The following ZNF516 variants were observed in gnomAD, a reference collection of about 807,000 sequenced individuals.
ZNF516 encodes the protein zinc finger protein 516.
In ZNF516, 19 loss-of-function variants were observed where a neutral mutation model predicts 79.7. That is an observed-to-expected ratio of 0.24 (90% CI 0.17 to 0.35). The LOEUF (loss-of-function observed/expected upper bound fraction) is 0.35. ZNF516 is among the 10% of genes least tolerant of loss of function. ZNF516 has a pLI of 1.00. For synonymous variants in ZNF516, 877 were observed against 739.5 expected (o/e 1.19, Z -3.02); for missense variants, 1,678 against 1,679.5 (o/e 1.00, Z 0.02).
intron 1 of ZNF516, chr18:76,492,246 CTCAGG>C (rs1915274007): frequency 2.0e-6 from 2 of 985,348 alleles, no homozygotes; most frequent in African/African-American, 3.5e-5. Context: ...TGCTGCTCGG[CTCAGG>C]TCGGGTCCGT....
In ZNF516 at chr18:76,378,957, T is replaced by G; in HGVS notation, c.3157A>C (p.Lys1053Gln). 2 of 1,613,742 alleles carry G rather than the reference T, an allele frequency of 1.2e-6. No homozygotes were observed. The highest frequency in any genetic ancestry group is 1.7e-6 in the Non-Finnish European group (2 of 1,179,812). ...KQEPVAEGHE[K>Q]RLDILNIFKT... ...AAGATGTTGAGGATGTCCAGGCGCT[T>G]CTCATGCCCCTCGGCCACCGGCTCC... Residue 1053 changes from lysine (K) to glutamine (Q), a missense_variant, in exon 4 of 7, where the codon AAG becomes CAG. Physicochemically the swap from Lys to Gln is moderately conservative, Grantham distance 53. This residue lies in a region of ZNF516 where 1,294 missense variants were observed against 1,248.3 expected (regional missense o/e 1.04). Coordinates refer to ENST00000443185, the MANE Select transcript of ZNF516 (RefSeq NM_014643.4).
At chr18:76,479,502 C>A (rs1331267631) in intron 1 of ZNF516, among the ~76,000 whole-genome samples, 2 of 152,212 alleles carry the variant, frequency 1.3e-5, no homozygotes, top group Non-Finnish European at 2.9e-5. Flanking sequence ...CCTCTCCTAA[C>A]CCCTGGGGCA....
chr18:76,489,586 CAAAAAAAAAA>C (rs5826461), intron 1 of ZNF516, among the ~76,000 whole-genome samples: 1 of 109,396 alleles, frequency 9.1e-6, no homozygotes, highest in Non-Finnish European at 1.9e-5. Context: ...CAACATCTTA[CAAAAAAAAAA>C]AAAAAAAAAA....
chr18:76,425,929 A>AC (rs36079483), intron 3 of ZNF516, among the ~76,000 whole-genome samples: 1 of 152,084 alleles, frequency 6.6e-6, no homozygotes, highest in East Asian at 1.9e-4. Flanking sequence ...AAGCAGGCAA[A>AC]CCCCCCAGCG....
At chr18:76,458,461 C>T (rs1315624747) in intron 2 of ZNF516, among the ~76,000 whole-genome samples, 2 of 152,356 alleles carry the variant, frequency 1.3e-5, no homozygotes, top group East Asian at 3.9e-4. Flanking sequence ...CCCAAGCAAG[C>T]ATCCTGCACA....
chr18:76,375,469 C>T (rs1181681633), intron 4 of ZNF516, among the ~76,000 whole-genome samples: 3 of 151,614 alleles, frequency 2.0e-5, no homozygotes, highest in Non-Finnish European at 4.4e-5. Context: ...GTCCCGGAGA[C>T]CAGGTAGAGG....
At chr18:76,399,320 A>G (rs144081116) in intron 3 of ZNF516, among the ~76,000 whole-genome samples, 3 of 152,374 alleles carry the variant, frequency 2.0e-5, no homozygotes, top group Non-Finnish European at 4.4e-5. Flanking sequence ...TCTGCATCTT[A>G]CATTTCAGTT....
Position 76,491,215 on chromosome 18 carries a change from C to G in ZNF516, c.-272+3929G>C, listed in dbSNP as rs1278617677. Among the ~76,000 whole-genome samples the G allele has an allele frequency of 5.3e-5, 8 of 150,814 alleles. No homozygotes were observed. In the South Asian group the frequency reaches 1.0e-3, roughly 20 times the overall value. ...CGGTCCACGCCGCCGCGCGGACCCC[C>G]GCCTGCCCCGGCCCGGAGCCCCGCG... On this transcript the variant is annotated intron_variant, in intron 1 of 6. Coordinates refer to ENST00000443185, the MANE Select transcript of ZNF516 (RefSeq NM_014643.4).
At chr18:76,445,577 A>G (rs956929059) in intron 2 of ZNF516, among the ~76,000 whole-genome samples, 2 of 152,238 alleles carry the variant, frequency 1.3e-5, no homozygotes, top group African/African-American at 4.8e-5. Flanking sequence ...ACAAGTGCGA[A>G]CAATCATATA....
intron 3 of ZNF516, among the ~76,000 whole-genome samples, chr18:76,440,176 A>G (rs1007513914): frequency 2.6e-5 from 4 of 151,140 alleles, no homozygotes; most frequent in African/African-American, 9.8e-5. Context: ...CTCAATATGC[A>G]TTTCAGTGTA....
chr18:76,493,130 T>C lies in ZNF516; in HGVS notation c.-272+2014A>G, dbSNP rs1915334461. 2.0e-6 allele frequency: 2 copies of C among 985,212 alleles called. No individual in the cohort carries two copies. Among genetic ancestry groups the C allele is most frequent in the Non-Finnish European group, 1.2e-6 (1 of 829,834 alleles). 61.0% of individuals were successfully genotyped at this position (985,212 alleles called of 1,614,324 possible). A position where few individuals can be genotyped will look rare whatever the true frequency, so the allele number is the denominator to read the frequency against. On this transcript the variant is annotated intron_variant, in intron 1 of 6. Coordinates refer to ENST00000443185, the MANE Select transcript of ZNF516 (RefSeq NM_014643.4). This position sits in a 1 kb window ranked among gnomAD's most constrained non-coding sequence, Gnocchi z 5.2. The stretch of plus-strand genomic sequence containing the variant: ...TTTTCCTCCTCTCCTCCCTACCGTT[T>C]CATTTAATGGTAAAACAACAGCAGA...
chr18:76,362,181 T>C lies in ZNF516; in HGVS notation c.*317A>G, dbSNP rs1198239723. The C allele has an allele frequency of 7.3e-6, 2 of 273,994 alleles. No homozygotes were observed. The highest frequency in any genetic ancestry group is 1.4e-5 in the Non-Finnish European group (2 of 142,904). 17.0% of individuals were successfully genotyped at this position (273,994 alleles called of 1,614,324 possible). A position where few individuals can be genotyped will look rare whatever the true frequency, so the allele number is the denominator to read the frequency against. ...GAATAAGACAGATGCCTTGTGCCCC[T>C]ACTGTGCCTGCCAGTACTACTGTTT... is the stretch of plus-strand genomic sequence containing the variant. On this transcript the variant is annotated 3_prime_UTR_variant, in exon 7 of 7. Transcript: ENST00000443185.
Position 76,362,547 on chromosome 18 carries a change from T to C in ZNF516, c.3443A>G (p.His1148Arg), listed in dbSNP as rs371752016. ...TGTCTGGACGGTACCTGTGTTAGAA[T>C]GGTCTCTCCCCTGGGTGAGAAAAAG... Reference protein sequence around the residue: ...SADAPKQGRDHSNTGTVQTVP... With the variant: ...SADAPKQGRDRSNTGTVQTVP... Residue 1148 changes from histidine (H) to arginine (R), a missense_variant, in exon 7 of 7, where the codon CAT (histidine) becomes CGT (arginine). His to Arg is a conservative substitution (Grantham distance 29). Transcript: ENST00000443185. The C allele has an allele frequency of 2.0e-4, 319 of 1,611,666 alleles. No individual in the cohort carries two copies. Among genetic ancestry groups the C allele is most frequent in the Non-Finnish European group, 2.6e-4 (302 of 1,178,052 alleles).
intron 3 of ZNF516, among the ~76,000 whole-genome samples, chr18:76,435,107 C>T (rs749574429): frequency 2.0e-5 from 3 of 152,170 alleles, no homozygotes; most frequent in Non-Finnish European, 4.4e-5. Flanking sequence ...CCTCCCACCT[C>T]GAAAATTCTA....
rs908677894 is a variant in ZNF516 at position 76,443,177 on chromosome 18, T to G, written c.-123A>C. ...GTGCCTGCTCCCAGGAGGTGCACCT[T>G]CTACATGGGGGGCGCAGCAGCTGGC... On this transcript the variant is annotated 5_prime_UTR_variant, in exon 3 of 7. Coordinates refer to ENST00000443185, the MANE Select transcript of ZNF516 (RefSeq NM_014643.4). 3 of 1,381,454 alleles carry G rather than the reference T, an allele frequency of 2.2e-6. No homozygotes were observed. In the Admixed American group the frequency reaches 9.0e-5, roughly 42 times the overall value. 85.6% of individuals were successfully genotyped at this position (1,381,454 alleles called of 1,614,324 possible).
At chr18:76,491,404 C>G (rs1338987994) in intron 1 of ZNF516, among the ~76,000 whole-genome samples, 1 of 139,882 alleles carries the variant, frequency 7.1e-6, no homozygotes, top group Non-Finnish European at 1.6e-5. Context: ...CGCCGGCTCC[C>G]CCCGCCCGCC....
intron 3 of ZNF516, among the ~76,000 whole-genome samples, chr18:76,380,541 A>G (rs1225366168): frequency 6.6e-6 from 1 of 152,194 alleles, no homozygotes; most frequent in Non-Finnish European, 1.5e-5. Flanking sequence ...CACAGGGAAA[A>G]AATACAATAG....
intron 3 of ZNF516, among the ~76,000 whole-genome samples, chr18:76,382,078 G>A (rs1302186565): frequency 6.6e-6 from 1 of 152,180 alleles, no homozygotes; most frequent in Admixed American, 6.5e-5. Flanking sequence ...GTTGCAGTGA[G>A]CTGACATCAC....
intron 3 of ZNF516, among the ~76,000 whole-genome samples, chr18:76,401,648 C>G (rs1007205153): frequency 6.6e-6 from 1 of 151,944 alleles, no homozygotes; most frequent in Non-Finnish European, 1.5e-5. Flanking sequence ...ACCGACGGCA[C>G]TCCTGGGGCA....
Sources: gnomAD v4.1 joint callset for allele counts (sites outside exome capture counted in the v4.1 genomes callset) on GRCh38, gnomAD v4.1.1 for gene constraint, gnomAD v4.1.1 regional missense constraint, Gnocchi (gnomAD v3.1) non-coding constraint, MANE v1.5 for transcripts, NCBI Gene and HGNC (gene_info 2026-07-23, HGNC 2026-07-21) for gene names.